BBS7: variants seen among roughly 807,000 people sequenced by gnomAD.
The protein encoded by BBS7 is BBSome complex member BBS7.
BBS7 carries 50 observed loss-of-function variants against 90.3 expected under a neutral mutation model. That is an observed-to-expected ratio of 0.55 (90% confidence interval 0.44 to 0.70). The LOEUF is 0.70. BBS7 is among the 30% of genes least tolerant of loss of function. The pLI, the probability that BBS7 is intolerant of heterozygous loss-of-function variation, is 0.00. For synonymous variants in BBS7, 235 were observed against 287.4 expected (o/e 0.82, Z 1.85); for missense variants, 729 against 838.9 (o/e 0.87, Z 1.62).
chr4:121,833,143 C>T (rs1725277197), intron 15 of BBS7, 88 bp downstream of exon 15: 2 of 1,280,290 alleles, frequency 1.6e-6, no homozygotes, highest in East Asian at 4.7e-5. Context: ...AATCAGATTA[C>T]TCACAAATAA....
intron 8 of BBS7, among the ~76,000 whole-genome samples, chr4:121,849,852 A>G (rs997952057): frequency 2.6e-5 from 4 of 152,138 alleles, no homozygotes; most frequent in African/African-American, 2.4e-5. Context: ...AAAAAATTAC[A>G]TAAAGCAAAA....
Position 121,828,250 on chromosome 4 carries a change from C to T in BBS7, c.1910G>A (p.Gly637Glu). The T allele has an allele frequency of 6.2e-7, 1 of 1,613,508 alleles. No individual in the cohort carries two copies. ...DALKELQIHE[G>E]NTNFLIPEYH... Reference sequence around the variant, plus strand: ...TTCTGGTATCAGAAAGTTCGTATTTCCCTCATGAATCTGTAATTCCTATTT... The same window carrying T: ...TTCTGGTATCAGAAAGTTCGTATTTTCCTCATGAATCTGTAATTCCTATTT... The change falls in exon 18 of 19, where the codon GGA becomes GAA. Residue 637 changes from glycine to glutamate, a missense_variant. Coordinates refer to ENST00000264499, the MANE Select transcript of BBS7 (RefSeq NM_176824.3).
intron 17 of BBS7, 27 bp downstream of exon 17, chr4:121,828,375 C>T (rs749868720): frequency 1.9e-6 from 3 of 1,597,078 alleles, no homozygotes; most frequent in Non-Finnish European, 2.6e-6. Flanking sequence ...ATAATAATCA[C>T]CAGTCCACGA....
At position 121,824,432 on chromosome 4, in the gene BBS7, CTG is replaced by C. The variant is rs1454243758; in HGVS notation, c.*1426_*1427del. On this transcript the variant is annotated 3_prime_UTR_variant, in exon 19 of 19. Coordinates refer to ENST00000264499, the MANE Select transcript of BBS7 (RefSeq NM_176824.3). This position sits in a 1 kb window ranked among gnomAD's most constrained non-coding sequence, Gnocchi z 4.1. Reference sequence around the variant, plus strand: ...GTAATACAGTACTCAAGTGTCAAGACTGTAATGTCATCTTAACATTTAGGCGT... The same window carrying C: ...GTAATACAGTACTCAAGTGTCAAGACTAATGTCATCTTAACATTTAGGCGT... 6.6e-6 allele frequency: 1 copy of C among 152,202 alleles called. No individual in the cohort carries two copies. The highest frequency in any genetic ancestry group is 1.5e-5 in the Non-Finnish European group (1 of 68,032). The allele number at this position is 152,202 out of a possible 1,614,324, so 9.4% of individuals were successfully genotyped here.
intron 2 of BBS7, 97 bp downstream of exon 2, chr4:121,867,884 C>T: frequency 9.4e-7 from 1 of 1,065,976 alleles, no homozygotes; most frequent in East Asian, 2.5e-5. Context: ...TTAACATTAG[C>T]ATTTTTAAGA....
chr4:121,830,189 G>C (rs892130119), intron 15 of BBS7, among the ~76,000 whole-genome samples: 45 of 152,194 alleles, frequency 3.0e-4, no homozygotes, highest in Admixed American at 2.6e-3. Context: ...ATCACTTGAG[G>C]TCAGGAGTTC....
At chr4:121,830,229 C>T (rs1180610883) in intron 15 of BBS7, among the ~76,000 whole-genome samples, 9 of 152,010 alleles carry the variant, frequency 5.9e-5, no homozygotes, top group African/African-American at 1.2e-4. Flanking sequence ...TGGTGAGACC[C>T]GTCTCTACTG....
chr4:121,847,605 T>C (rs936103735), intron 9 of BBS7, 99 bp from the exon 10 acceptor site: 10 of 839,530 alleles, frequency 1.2e-5, no homozygotes, highest in African/African-American at 8.3e-5. Flanking sequence ...ACATGCCCCT[T>C]TGTCCACCAA....
At chr4:121,861,831 C>A in intron 3 of BBS7, 152 bp from the exon 4 acceptor site, 1 of 732,314 alleles carries the variant, frequency 1.4e-6, no homozygotes, top group Non-Finnish European at 2.2e-6. Context: ...TATACTTCAG[C>A]AGGTCTTCAG....
Position 121,867,923 on chromosome 4 carries a change from G to C in BBS7, c.102+58C>G, listed in dbSNP as rs1233116116. 3 of 1,363,714 alleles carry C rather than the reference G, an allele frequency of 2.2e-6. No homozygotes were observed. The East Asian group carries it at 6.9e-5, about 31-fold the overall frequency. The allele number at this position is 1,363,714 out of a possible 1,614,324, so 84.5% of individuals were successfully genotyped here. ...TAACTTAATAATAAAGAAGGAAATAGGAGCCTCTCCTCTGTCACTGCTAGG... is the reference window on the plus strand; with the variant it reads ...TAACTTAATAATAAAGAAGGAAATACGAGCCTCTCCTCTGTCACTGCTAGG... On this transcript the variant is annotated intron_variant, in intron 2 of 18. Coordinates refer to ENST00000264499, the MANE Select transcript of BBS7 (RefSeq NM_176824.3).
At chr4:121,853,749 C>T (rs904326564) in intron 7 of BBS7, among the ~76,000 whole-genome samples, 3 of 151,624 alleles carry the variant, frequency 2.0e-5, no homozygotes, top group African/African-American at 2.4e-5. Flanking sequence ...TTTGTTTAGG[C>T]TTAGTAAATT....
intron 15 of BBS7, 80 bp from the exon 16 acceptor site, chr4:121,828,808 T>TA (rs1480288057): frequency 2.6e-5 from 22 of 842,218 alleles, no homozygotes; most frequent in East Asian, 8.2e-5. Context: ...GATTAGTACT[T>TA]AGAGTATAGA....
intron 3 of BBS7, 47 bp from the exon 4 acceptor site, chr4:121,861,726 G>A: frequency 6.3e-7 from 1 of 1,593,982 alleles, no homozygotes. Flanking sequence ...ACTTTATTGT[G>A]AGCATTTTTT....
At position 121,857,189 on chromosome 4, in the gene BBS7, T is replaced by A. The variant is rs963494491; in HGVS notation, c.529-1628A>T. On this transcript the variant is annotated intron_variant, in intron 5 of 18. Coordinates refer to ENST00000264499, the MANE Select transcript of BBS7 (RefSeq NM_176824.3). ...GCTGGAGTGCAGTGCAGTGGTGTGATCATAGCTTACCGCAGCCTCGACCTT... is the reference window on the plus strand; with the variant it reads ...GCTGGAGTGCAGTGCAGTGGTGTGAACATAGCTTACCGCAGCCTCGACCTT... Among the ~76,000 whole-genome samples the A allele has an allele frequency of 8.3e-4, 125 of 151,032 alleles. 1 individual carries two copies. Among genetic ancestry groups the A allele is most frequent in the Non-Finnish European group, 1.8e-4 (12 of 67,876 alleles).
chr4:121,850,798 A>C (rs58745264), intron 8 of BBS7, among the ~76,000 whole-genome samples: 7,231 of 152,158 alleles, frequency 0.048, 555 homozygotes, highest in African/African-American at 0.16. Context: ...CAATCAACAA[A>C]ATTCTAGTAC....
chr4:121,869,095 A>C (rs1158837177), intron 1 of BBS7, among the ~76,000 whole-genome samples: 1 of 152,214 alleles, frequency 6.6e-6, no homozygotes, highest in Non-Finnish European at 1.5e-5. Flanking sequence ...ATGAGAACCC[A>C]AATGAGGGTA....
At chr4:121,868,454 G>A (rs887649956) in intron 1 of BBS7, among the ~76,000 whole-genome samples, 10 of 152,094 alleles carry the variant, frequency 6.6e-5, no homozygotes, top group Admixed American at 1.3e-4. Flanking sequence ...AGGCTGAAGT[G>A]GGAGGATCAC....
At position 121,847,516 on chromosome 4, in the gene BBS7, T is replaced by C; in HGVS notation, c.935-10A>G. On this transcript the variant is annotated splice_polypyrimidine_tract_variant and intron_variant, in intron 9 of 18. Coordinates refer to ENST00000264499, the MANE Select transcript of BBS7 (RefSeq NM_176824.3). Reference sequence around the variant, plus strand: ...AGACCTGTAACCCAGCCTGTAGAGATGAATTACAATCACGCACCACTTAGT... The same window carrying C: ...AGACCTGTAACCCAGCCTGTAGAGACGAATTACAATCACGCACCACTTAGT... 1 of 1,579,884 alleles carries C rather than the reference T, an allele frequency of 6.3e-7. No individual in the cohort carries two copies. The highest frequency in any genetic ancestry group is 8.7e-7 in the Non-Finnish European group (1 of 1,149,282).
intron 14 of BBS7, 55 bp downstream of exon 14, chr4:121,835,089 G>C: frequency 6.4e-7 from 1 of 1,571,886 alleles, no homozygotes; most frequent in Non-Finnish European, 8.7e-7. Flanking sequence ...TAAAAAACAG[G>C]TCTATTTGAA....
Sources: gnomAD v4.1 joint callset for allele counts (sites outside exome capture counted in the v4.1 genomes callset) on GRCh38, gnomAD v4.1.1 for gene constraint, Gnocchi (gnomAD v3.1) non-coding constraint, MANE v1.5 for transcripts, NCBI Gene and HGNC (gene_info 2026-07-23, HGNC 2026-07-21) for gene names.